SLC7A8: variants seen among roughly 807,000 people sequenced by gnomAD.
The protein encoded by SLC7A8 is solute carrier family 7 member 8.
SLC7A8 carries 30 observed loss-of-function variants against 51.2 expected under a neutral mutation model. That is an observed-to-expected ratio of 0.59 (90% confidence interval 0.44 to 0.80). SLC7A8 has a LOEUF of 0.80. Ranked by LOEUF, SLC7A8 falls within the 30% of genes least tolerant of loss-of-function variation. SLC7A8 has a pLI of 0.00. For missense variants in SLC7A8, 612 were observed against 674.4 expected, an observed-to-expected ratio of 0.91 and a Z score of 1.03; for synonymous variants, 257 against 275.8, an observed-to-expected ratio of 0.93 and a Z score of 0.67.
rs775671378 is a variant in SLC7A8 at position 23,128,195 on chromosome 14, A to T, written c.1265T>A (p.Ile422Asn). The change falls in exon 10 of 11, where the codon ATC becomes AAC. Residue 422 changes from isoleucine to asparagine, a missense_variant and splice_region_variant. Coordinates refer to ENST00000316902, the MANE Select transcript of SLC7A8 (RefSeq NM_012244.4). This position sits in a 1 kb window ranked among gnomAD's most constrained non-coding sequence, Gnocchi z 4.3. ...GTAGATGATGGGGAACAGCAGGTTG[A>T]TCTGTGGAGCAGAGGCATGAGGCGT... The part of the protein sequence containing the change: ...KKPDIPRPIK[I>N]NLLFPIIYLL... 1 of 1,614,052 alleles carries T rather than the reference A, an allele frequency of 6.2e-7. No homozygotes were observed. Among genetic ancestry groups the T allele is most frequent in the Non-Finnish European group, 8.5e-7 (1 of 1,179,986 alleles).
intron 9 of SLC7A8, 107 bp downstream of exon 9, chr14:23,129,543 G>T (rs1315984343): frequency 1.5e-6 from 2 of 1,305,908 alleles, no homozygotes; most frequent in African/African-American, 1.5e-5. Context: ...TACCATCAGA[G>T]ATGATGACGT....
chr14:23,141,762 T>C (rs538359656), intron 4 of SLC7A8, among the ~76,000 whole-genome samples: 13 of 152,318 alleles, frequency 8.5e-5, no homozygotes, highest in South Asian at 4.1e-4. Flanking sequence ...CCGTCTCTCT[T>C]TTCAAGATTC....
chr14:23,181,442 T>G (rs1877170518), intron 1 of SLC7A8, among the ~76,000 whole-genome samples: 9 of 95,548 alleles, frequency 9.4e-5, no homozygotes, highest in East Asian at 2.9e-4. Context: ...GTAGGAGGAG[T>G]TGGTGGGGGT....
chr14:23,165,343 G>T lies in SLC7A8; in HGVS notation c.450C>A (p.Leu150=). The change falls in exon 3 of 11, where the codon CTC becomes CTA. Residue 150 remains leucine, a synonymous_variant. Transcript: ENST00000316902. This position sits in a 1 kb window ranked among gnomAD's most constrained non-coding sequence, Gnocchi z 4.2. ...ACTCTGGGGGGAAGCAGGTGGGGAA[G>T]AGCGGCTGCAGCACGTAGTTGGAGA... The part of the protein sequence containing the change: ...LTFSNYVLQP[L]FPTCFPPESG... The T allele has an allele frequency of 1.2e-6, 2 of 1,605,944 alleles. No homozygotes were observed. The highest frequency in any genetic ancestry group is 2.7e-5 in the African/African-American group (2 of 74,418).
At chr14:23,127,528 T>C (rs1469342031) in intron 10 of SLC7A8, among the ~76,000 whole-genome samples, 185 bp from the exon 11 acceptor site, 1 of 152,226 alleles carries the variant, frequency 6.6e-6, no homozygotes, top group Non-Finnish European at 1.5e-5. Context: ...TCTTTGCTTA[T>C]GAAGGCCCCA....
chr14:23,162,508 T>G (rs1465015720), intron 3 of SLC7A8, among the ~76,000 whole-genome samples: 1 of 152,220 alleles, frequency 6.6e-6, no homozygotes, highest in Non-Finnish European at 1.5e-5. Context: ...TTAGATAAGC[T>G]TTATTGAATC....
At chr14:23,151,151 C>T (rs1019961439) in intron 3 of SLC7A8, among the ~76,000 whole-genome samples, 2 of 152,204 alleles carry the variant, frequency 1.3e-5, no homozygotes, top group African/African-American at 4.8e-5. Context: ...TCAGGCCCCA[C>T]GGAGACTGTC....
intron 9 of SLC7A8, 107 bp downstream of exon 9, chr14:23,129,543 G>A (rs1315984343): frequency 7.7e-7 from 1 of 1,305,908 alleles, no homozygotes; most frequent in South Asian, 1.4e-5. Context: ...TACCATCAGA[G>A]ATGATGACGT....
Position 23,165,901 on chromosome 14 carries a change from T to A in SLC7A8, c.356+435A>T, listed in dbSNP as rs2048947255. Among the ~76,000 whole-genome samples the A allele has an allele frequency of 1.3e-5, 2 of 152,130 alleles. No homozygotes were observed. The highest frequency in any genetic ancestry group is 2.9e-5 in the Non-Finnish European group (2 of 68,034). On this transcript the variant is annotated intron_variant, in intron 2 of 10. Coordinates refer to ENST00000316902, the MANE Select transcript of SLC7A8 (RefSeq NM_012244.4). The surrounding 1 kb of genome is among the most constrained non-coding windows in gnomAD (Gnocchi z 4.2). ...CAGGGATGCAGAAATTGAGGAAATT[T>A]AAGATTAGGGCCCAGCTCTAGAGGG...
intron 3 of SLC7A8, among the ~76,000 whole-genome samples, chr14:23,161,254 C>A (rs947907928): frequency 1.3e-5 from 2 of 152,014 alleles, no homozygotes; most frequent in African/African-American, 4.8e-5. Context: ...ACCATGGAAC[C>A]AGACTTGGCC....
intron 2 of SLC7A8, among the ~76,000 whole-genome samples, 176 bp downstream of exon 2, chr14:23,166,160 T>C (rs76003425): frequency 0.038 from 5,791 of 152,144 alleles, 380 homozygotes; most frequent in African/African-American, 0.13. Context: ...CTCAAGGGGA[T>C]ACAAGGCTAC....
intron 3 of SLC7A8, among the ~76,000 whole-genome samples, chr14:23,150,083 T>C (rs1040356077): frequency 1.1e-4 from 16 of 152,248 alleles, no homozygotes; most frequent in African/African-American, 3.9e-4. Flanking sequence ...TTATAGATTA[T>C]AGGTAAAAGA....
intron 3 of SLC7A8, chr14:23,155,163 T>TA (rs1430648999): frequency 1.3e-6 from 2 of 1,535,838 alleles, no homozygotes; most frequent in Non-Finnish European, 1.7e-6. Context: ...TCGAAGCACT[T>TA]ACAACGTTTT....
chr14:23,143,654 C>G lies in SLC7A8; in HGVS notation c.509-450G>C, dbSNP rs531391041. On this transcript the variant is annotated intron_variant, in intron 3 of 10. Transcript: ENST00000316902. ...TTACTTAGGTTTATTGAGATATAAT[C>G]TACATCTTACTAAAACTCACCTTTT... Among the ~76,000 whole-genome samples, 4 of 152,310 alleles carry G rather than the reference C, an allele frequency of 2.6e-5. No individual in the cohort carries two copies. The East Asian group carries it at 7.7e-4, about 29-fold the overall frequency.
intron 1 of SLC7A8, among the ~76,000 whole-genome samples, chr14:23,172,800 C>T (rs577084138): frequency 6.6e-6 from 1 of 152,208 alleles, no homozygotes; most frequent in Admixed American, 6.5e-5. Flanking sequence ...GATAGCTTCC[C>T]ACAACAAAGT....
intron 3 of SLC7A8, among the ~76,000 whole-genome samples, chr14:23,152,620 C>T (rs1428913438): frequency 4.6e-5 from 7 of 151,886 alleles, no homozygotes; most frequent in Non-Finnish European, 8.8e-5. Context: ...GCCAGGTTGC[C>T]CAGGCTGGTC....
intron 3 of SLC7A8, among the ~76,000 whole-genome samples, chr14:23,153,662 C>A (rs765646737): frequency 2.2e-4 from 33 of 152,204 alleles, no homozygotes; most frequent in Non-Finnish European, 4.3e-4. Context: ...TCATTTCCCA[C>A]AGGGATCTCC....
At chr14:23,173,336 G>A (rs2048984025) in intron 1 of SLC7A8, among the ~76,000 whole-genome samples, 1 of 152,222 alleles carries the variant, frequency 6.6e-6, no homozygotes, top group Admixed American at 6.5e-5. Flanking sequence ...AAGTCTTCCT[G>A]GGAGAGGGGA....
chr14:23,182,684 A>C, intron 1 of SLC7A8, 80 bp downstream of exon 1: 2 of 1,441,110 alleles, frequency 1.4e-6, no homozygotes, highest in Non-Finnish European at 1.9e-6. Flanking sequence ...GAAGAACAAT[A>C]ATGCTTTCGA....
Sources: allele counts gnomAD v4.1 joint callset (sites outside exome capture counted in the v4.1 genomes callset), GRCh38; gene constraint gnomAD v4.1.1; non-coding constraint Gnocchi (gnomAD v3.1); transcripts MANE v1.5; gene names NCBI Gene and HGNC (gene_info 2026-07-23, HGNC 2026-07-21).